The following TENM4 variants were observed in gnomAD, a reference collection of about 807,000 sequenced individuals.
TENM4 encodes the protein teneurin-4.
TENM4 carries 82 observed loss-of-function variants against 243.3 expected under a neutral mutation model. That is an observed-to-expected ratio of 0.34 (90% CI 0.28 to 0.40). The LOEUF is 0.40. Among genes scored for constraint, TENM4 ranks in the 10% least tolerant of loss-of-function variants. The pLI is 1.00. For missense variants in TENM4, 3,138 were observed against 3,673.3 expected, an observed-to-expected ratio of 0.85 and a Z score of 3.77; for synonymous variants, 1,412 against 1,456.3, an observed-to-expected ratio of 0.97 and a Z score of 0.69.
In TENM4 at chr11:79,034,155, G is replaced by A. The variant is rs542768238; in HGVS notation, c.493+30583C>T. 5.9e-5 allele frequency among the ~76,000 whole-genome samples: 9 copies of A among 152,292 alleles called. No homozygotes were observed. In the South Asian group the frequency reaches 1.9e-3, roughly 32 times the overall value. ...TTGCAAACTGCAGAGCGACATACAA[G>A]CATTTTTACAGTTGTAGAAATTTCA... On this transcript the variant is annotated intron_variant, in intron 6 of 33. Transcript: ENST00000278550.
intron 28 of TENM4, among the ~76,000 whole-genome samples, chr11:78,699,630 A>C (rs569405497): frequency 6.6e-6 from 1 of 152,392 alleles, no homozygotes; most frequent in South Asian, 2.1e-4. Flanking sequence ...TTGGAATTCC[A>C]GACGCCATTT....
At chr11:79,068,471 G>A (rs1237637068) in intron 5 of TENM4, 1 of 152,248 alleles carries the variant, frequency 6.6e-6, no homozygotes, top group African/African-American at 2.4e-5. Context: ...GGGAGAGAAT[G>A]GAAATGAAGA....
At chr11:78,872,330 C>T (rs1042941479) in intron 9 of TENM4, among the ~76,000 whole-genome samples, 3 of 152,182 alleles carry the variant, frequency 2.0e-5, no homozygotes, top group African/African-American at 7.2e-5. Context: ...AGTACAATGC[C>T]TACCATCTGC....
intron 1 of TENM4, among the ~76,000 whole-genome samples, chr11:79,386,501 A>C (rs1858114523): frequency 6.6e-6 from 1 of 152,218 alleles, no homozygotes; most frequent in Non-Finnish European, 1.5e-5. Context: ...AGATATTAAC[A>C]ATATCTGGCA....
chr11:79,149,026 G>T (rs912360175), intron 3 of TENM4, among the ~76,000 whole-genome samples: 1 of 152,142 alleles, frequency 6.6e-6, no homozygotes, highest in African/African-American at 2.4e-5. Flanking sequence ...CTGGCACATG[G>T]CAAATGCTCA....
At chr11:79,199,728 T>C (rs1337555981) in intron 3 of TENM4, among the ~76,000 whole-genome samples, 1 of 152,180 alleles carries the variant, frequency 6.6e-6, no homozygotes, top group African/African-American at 2.4e-5. Context: ...GTAATCTCTA[T>C]TGATTTCCAC....
rs867363808 is a variant in TENM4, at chr11:78,786,913, C to T, written c.2350G>A (p.Glu784Lys). The change falls in exon 16 of 34, where the codon GAA (glutamate) becomes AAA (lysine). Residue 784 changes from glutamate (E) to lysine (K), a missense_variant. Glu to Lys is a moderately conservative substitution (Grantham distance 56). Around this residue, in one of 2 missense-constraint regions of TENM4, gnomAD observed 2,467 missense variants for 3,059.1 expected, o/e 0.81. Coordinates refer to ENST00000278550, the MANE Select transcript of TENM4 (RefSeq NM_001098816.3). ...CCCGCCATACCGATGGTGCAGTGTT[C>T]GCCATTCCAGCCAGGGCTGCACTCG... ...KCECSPGWNG[E>K]HCTIAHYLDR... is the part of the protein sequence containing the mutation. 39 of 1,608,834 alleles carry T rather than the reference C, an allele frequency of 2.4e-5. No individual in the cohort carries two copies. The highest frequency in any genetic ancestry group is 1.6e-4 in the Middle Eastern group (1 of 6,076).
At chr11:79,123,248 C>T (rs915478402) in intron 4 of TENM4, among the ~76,000 whole-genome samples, 11 of 152,186 alleles carry the variant, frequency 7.2e-5, no homozygotes, top group South Asian at 2.1e-4. Context: ...TAATCCTGGG[C>T]GTTATTGAGC....
At chr11:78,846,728 A>T (rs1421392586) in intron 12 of TENM4, among the ~76,000 whole-genome samples, 1 of 139,924 alleles carries the variant, frequency 7.1e-6, no homozygotes, top group African/African-American at 2.6e-5. Context: ...GCCAAGTACC[A>T]TGTCTGCCTC....
At chr11:78,784,425 T>C (rs982564840) in intron 16 of TENM4, among the ~76,000 whole-genome samples, 2 of 152,098 alleles carry the variant, frequency 1.3e-5, no homozygotes, top group African/African-American at 2.4e-5. Flanking sequence ...GGGTGGTGAG[T>C]TTCTCATGGG....
At chr11:79,293,528 A>T (rs1028122260) in intron 2 of TENM4, among the ~76,000 whole-genome samples, 2 of 151,982 alleles carry the variant, frequency 1.3e-5, no homozygotes, top group Admixed American at 1.3e-4. Context: ...AAAGAAAAAA[A>T]AAAAGAAAAA....
chr11:79,048,536 G>A (rs1197673484), intron 6 of TENM4, among the ~76,000 whole-genome samples: 1 of 152,088 alleles, frequency 6.6e-6, no homozygotes, highest in Non-Finnish European at 1.5e-5. Flanking sequence ...CCTCTACCGA[G>A]ACCCTAATGG....
intron 1 of TENM4, among the ~76,000 whole-genome samples, chr11:79,329,794 G>A (rs1434272652): frequency 6.6e-6 from 1 of 152,228 alleles, no homozygotes; most frequent in African/African-American, 2.4e-5. Flanking sequence ...AGAGTAGGCT[G>A]TGCAGGTCTC....
chr11:79,150,548 T>A (rs1460854367), intron 3 of TENM4, among the ~76,000 whole-genome samples: 2 of 152,158 alleles, frequency 1.3e-5, no homozygotes, highest in African/African-American at 4.8e-5. Flanking sequence ...ACTCCCACAC[T>A]CTTCACAAAT....
intron 27 of TENM4, among the ~76,000 whole-genome samples, chr11:78,704,095 A>G (rs12275020): frequency 0.24 from 34,569 of 142,672 alleles, 4,885 homozygotes; most frequent in African/African-American, 0.37. Context: ...ATACATATAC[A>G]TATGTATGTG....
chr11:78,888,398 GA>G (rs1347210063), intron 9 of TENM4, among the ~76,000 whole-genome samples: 3 of 152,212 alleles, frequency 2.0e-5, no homozygotes, highest in African/African-American at 7.2e-5. Context: ...CCAATATTCA[GA>G]AGGGGAAAAG....
At chr11:78,960,759 C>T (rs1185357282) in intron 6 of TENM4, among the ~76,000 whole-genome samples, 1 of 152,210 alleles carries the variant, frequency 6.6e-6, no homozygotes, top group African/African-American at 2.4e-5. Flanking sequence ...ACCGCCTTTG[C>T]CACCTTCGGC....
At chr11:78,983,988 AT>A (rs994781801) in intron 6 of TENM4, among the ~76,000 whole-genome samples, 47 of 152,328 alleles carry the variant, frequency 3.1e-4, no homozygotes, top group African/African-American at 1.1e-3. Flanking sequence ...GTCAAGGGTC[AT>A]GTGGAGAGGA....
At chr11:78,775,012 C>A (rs532959803) in intron 17 of TENM4, among the ~76,000 whole-genome samples, 1 of 152,280 alleles carries the variant, frequency 6.6e-6, no homozygotes, top group Non-Finnish European at 1.5e-5. Flanking sequence ...AATAGTAGTT[C>A]TATGAGGTCC....
Sources: allele counts gnomAD v4.1 joint callset (sites outside exome capture counted in the v4.1 genomes callset), GRCh38; gene constraint gnomAD v4.1.1; regional missense constraint gnomAD v4.1.1; transcripts MANE v1.5; gene names NCBI Gene and HGNC (gene_info 2026-07-23, HGNC 2026-07-21).